The following KBTBD11 variants were observed in gnomAD, a reference collection of about 807,000 sequenced individuals.
KBTBD11 encodes the protein kelch repeat and BTB domain-containing protein 11.
For synonymous variants in KBTBD11, 747 were observed against 499.0 expected (o/e 1.50, Z -6.63); for missense variants, 1,390 against 1,001.8 (o/e 1.39, Z -5.23).
chr8:2,002,907 G>A lies in KBTBD11; in HGVS notation c.1715G>A (p.Arg572His), dbSNP rs779429625. 3.0e-6 allele frequency: 4 copies of A among 1,319,290 alleles called. No individual in the cohort carries two copies. The highest frequency in any genetic ancestry group is 3.1e-5 in the East Asian group (1 of 31,862). 81.7% of individuals were successfully genotyped at this position (1,319,290 alleles called of 1,614,324 possible). The stretch of plus-strand genomic sequence containing the variant: ...TGCGTGAGCCGCGCGGGCACCTGGC[G>A]CTTCCAGCCTGCCCGGGAAGGCGAG... Reference protein sequence around the residue: ...IYCVSRAGTWRFQPAREGEAG... With the variant: ...IYCVSRAGTWHFQPAREGEAG... The change falls in exon 2 of 2, where the codon CGC becomes CAC. Residue 572 changes from arginine to histidine, a missense_variant. Physicochemically the swap from Arg to His is conservative, Grantham distance 29. Coordinates refer to ENST00000320248, the MANE Select transcript of KBTBD11 (RefSeq NM_014867.3). This position sits in a 1 kb window ranked among gnomAD's most constrained non-coding sequence, Gnocchi z 4.1.
chr8:1,987,025 A>C (rs1816727137), intron 1 of KBTBD11, among the ~76,000 whole-genome samples: 1 of 141,848 alleles, frequency 7.0e-6, no homozygotes, highest in Non-Finnish European at 1.6e-5. Flanking sequence ...AAAAAAAAAA[A>C]AAAAAAAACC....
intron 1 of KBTBD11, among the ~76,000 whole-genome samples, chr8:1,991,627 G>T (rs1413816732): frequency 6.6e-6 from 1 of 152,118 alleles, no homozygotes; most frequent in Non-Finnish European, 1.5e-5. Flanking sequence ...CCCCACACCA[G>T]GTCAGAAGAG....
At chr8:1,994,173 C>T (rs1817046449) in intron 1 of KBTBD11, among the ~76,000 whole-genome samples, 1 of 152,162 alleles carries the variant, frequency 6.6e-6, no homozygotes, top group Non-Finnish European at 1.5e-5. Flanking sequence ...CCAATTAAGT[C>T]CTGCTAGGAG....
chr8:1,983,644 A>C (rs923224201), intron 1 of KBTBD11, among the ~76,000 whole-genome samples: 1 of 152,166 alleles, frequency 6.6e-6, no homozygotes, highest in Non-Finnish European at 1.5e-5. Context: ...AGTTTTGTGC[A>C]AATAAGACCA....
intron 1 of KBTBD11, chr8:1,975,016 AC>A (rs1210690369): frequency 6.6e-6 from 1 of 152,222 alleles, no homozygotes; most frequent in African/African-American, 2.4e-5. Context: ...TCCAATTAGG[AC>A]CCCTTAATGG....
chr8:1,994,942 C>T (rs1452742508), intron 1 of KBTBD11, among the ~76,000 whole-genome samples: 2 of 151,754 alleles, frequency 1.3e-5, no homozygotes, highest in Non-Finnish European at 2.9e-5. Context: ...GCCTATAATC[C>T]CAGCTACTCG....
intron 1 of KBTBD11, among the ~76,000 whole-genome samples, chr8:1,993,536 CCCACCCACCCACCCACCCACCCAT>C (rs1817012394): frequency 5.7e-5 from 3 of 52,648 alleles, no homozygotes; most frequent in South Asian, 1.2e-3. Context: ...CATCCACCCA[CCCACCCACCCACCCACCCACCCAT>C]CCATCCATCC....
At chr8:1,982,787 G>C (rs563952090) in intron 1 of KBTBD11, among the ~76,000 whole-genome samples, 4 of 151,112 alleles carry the variant, frequency 2.6e-5, no homozygotes, top group Admixed American at 6.6e-5. Context: ...GTGTCACCCA[G>C]GCTGGAGTGC....
At chr8:1,993,757 G>A (rs1817022969) in intron 1 of KBTBD11, among the ~76,000 whole-genome samples, 1 of 151,892 alleles carries the variant, frequency 6.6e-6, no homozygotes, top group African/African-American at 2.4e-5. Context: ...AGACTGTAGA[G>A]CAACTAAAAC....
chr8:1,978,714 G>T (rs11782830), intron 1 of KBTBD11, among the ~76,000 whole-genome samples: 113,702 of 151,924 alleles, frequency 0.75, 42,744 homozygotes, highest in South Asian at 0.85. Flanking sequence ...TCACTGGGCG[G>T]GATGGGCGTG....
chr8:1,975,931 C>T (rs957114278), intron 1 of KBTBD11: 2 of 152,228 alleles, frequency 1.3e-5, no homozygotes, highest in African/African-American at 4.8e-5. Context: ...CCCAGCAGGT[C>T]CCGTCTTTGT....
In KBTBD11 at chr8:2,001,658, G is replaced by C; in HGVS notation, c.466G>C (p.Ala156Pro). 6.8e-7 allele frequency: 1 copy of C among 1,468,642 alleles called. No homozygotes were observed. The highest frequency in any genetic ancestry group is 1.3e-5 in the South Asian group (1 of 77,790). 91.0% of individuals were successfully genotyped at this position (1,468,642 alleles called of 1,614,324 possible). ...GGGGCGCCGGCTGCGCGCGCACAAG[G>C]CGGTGCTGGCGGCGCGCAGCGACTA... is the stretch of plus-strand genomic sequence containing the variant. ...VSGRRLRAHK[A>P]VLAARSDYFR... is the part of the protein sequence containing the mutation. The change falls in exon 2 of 2, where the codon GCG (alanine) becomes CCG (proline). Residue 156 changes from alanine (A) to proline (P), a missense_variant. Coordinates refer to ENST00000320248, the MANE Select transcript of KBTBD11 (RefSeq NM_014867.3).
intron 1 of KBTBD11, among the ~76,000 whole-genome samples, chr8:1,979,854 C>A (rs1424490326): frequency 1.3e-5 from 2 of 152,260 alleles, no homozygotes; most frequent in Admixed American, 1.3e-4. Context: ...GTGGCTTCCA[C>A]ACTCCTGGCT....
At chr8:1,993,424 CCCACCCACCCATCCATCCAT>C (rs1563371945) in intron 1 of KBTBD11, among the ~76,000 whole-genome samples, 1 of 49,472 alleles carries the variant, frequency 2.0e-5, no homozygotes, top group Non-Finnish European at 5.6e-5. Context: ...CATCCATCCA[CCCACCCACCCATCCATCCAT>C]CTATCCATCC....
intron 1 of KBTBD11, among the ~76,000 whole-genome samples, chr8:1,985,819 A>T (rs1247373192): frequency 6.6e-6 from 1 of 152,218 alleles, no homozygotes; most frequent in Admixed American, 6.5e-5. Flanking sequence ...AAAAACCAGT[A>T]TGTTGACAAT....
intron 1 of KBTBD11, among the ~76,000 whole-genome samples, chr8:1,985,990 C>G (rs971909533): frequency 3.9e-5 from 6 of 152,254 alleles, no homozygotes; most frequent in South Asian, 2.1e-4. Context: ...GGATATGAAA[C>G]TGTCTCTTCC....
At position 2,001,547 on chromosome 8, in the gene KBTBD11, T is replaced by C; in HGVS notation, c.355T>C (p.Ser119Pro). The change falls in exon 2 of 2, where the codon TCC (serine) becomes CCC (proline). Residue 119 changes from serine (S) to proline (P), a missense_variant. Physicochemically the swap from Ser to Pro is moderately conservative, Grantham distance 74 (BLOSUM62 -1). Transcript: ENST00000320248. ...GCGCGTTTGGCTTGAGGACCCCGCGTCCCCCGAGGAGCCCGGGGAGCCCGC... is the reference window on the plus strand; with the variant it reads ...GCGCGTTTGGCTTGAGGACCCCGCGCCCCCCGAGGAGCCCGGGGAGCCCGC... The part of the protein sequence containing the change: ...EPRVWLEDPA[S>P]PEEPGEPAPV... The C allele has an allele frequency of 1.4e-6, 2 of 1,432,834 alleles. No individual in the cohort carries two copies. Among genetic ancestry groups the C allele is most frequent in the Non-Finnish European group, 1.8e-6 (2 of 1,098,828 alleles). The allele number at this position is 1,432,834 out of a possible 1,614,324, so 88.8% of individuals were successfully genotyped here.
At chr8:1,996,290 G>A (rs1341713294) in intron 1 of KBTBD11, among the ~76,000 whole-genome samples, 3 of 151,974 alleles carry the variant, frequency 2.0e-5, no homozygotes, top group African/African-American at 7.2e-5. Context: ...TTTTTGGACG[G>A]GGTTTCACTC....
At chr8:1,975,541 G>A (rs1410301738) in intron 1 of KBTBD11, among the ~76,000 whole-genome samples, 1 of 152,254 alleles carries the variant, frequency 6.6e-6, no homozygotes, top group Non-Finnish European at 1.5e-5. Context: ...GAGCACAGGT[G>A]TGTAGCAGGC....
Sources: allele counts gnomAD v4.1 joint callset (sites outside exome capture counted in the v4.1 genomes callset), GRCh38; gene constraint gnomAD v4.1.1; non-coding constraint Gnocchi (gnomAD v3.1); transcripts MANE v1.5; gene names NCBI Gene and HGNC (gene_info 2026-07-23, HGNC 2026-07-21).